Variants in PTPRD observed in about 807,000 individuals in gnomAD.
The protein encoded by PTPRD is receptor-type tyrosine-protein phosphatase delta.
PTPRD carries 34 observed loss-of-function variants against 214.5 expected under a neutral mutation model. The observed-to-expected ratio is 0.16, with a 90% CI of 0.12 to 0.21. PTPRD has a LOEUF of 0.21. Among genes scored for constraint, PTPRD ranks in the 10% least tolerant of loss-of-function variants. PTPRD has a pLI of 1.00. For missense variants in PTPRD, 2,545 were observed against 2,398.7 expected (o/e 1.06, Z -1.27); for synonymous variants, 1,128 against 845.7 (o/e 1.33, Z -5.79).
rs529229327 is a variant in PTPRD at position 9,263,174 on chromosome 9, A to G, written c.-202-79811T>C. Among the ~76,000 whole-genome samples, 4 of 151,810 alleles carry G rather than the reference A, an allele frequency of 2.6e-5. No homozygotes were observed. The East Asian group carries it at 7.8e-4, about 30-fold the overall frequency. ...TAATGAAATCTTGTTTTCTTAAATGATCCCAATAAATCATTCAAATTTATT... is the reference window on the plus strand; with the variant it reads ...TAATGAAATCTTGTTTTCTTAAATGGTCCCAATAAATCATTCAAATTTATT... On this transcript the variant is annotated intron_variant, in intron 9 of 45. Transcript: ENST00000381196.
At chr9:8,450,401 A>G (rs1407144799) in intron 33 of PTPRD, among the ~76,000 whole-genome samples, 1 of 152,156 alleles carries the variant, frequency 6.6e-6, no homozygotes, top group African/African-American at 2.4e-5. Flanking sequence ...AATCGGGACC[A>G]GGTAAAACAG....
chr9:10,141,712 A>G (rs1266629796), intron 3 of PTPRD, among the ~76,000 whole-genome samples: 1 of 152,048 alleles, frequency 6.6e-6, no homozygotes, highest in East Asian at 1.9e-4. Context: ...ATCCCCATCA[A>G]GCTAACAATG....
At chr9:9,362,924 T>C (rs945628825) in intron 9 of PTPRD, among the ~76,000 whole-genome samples, 8 of 151,192 alleles carry the variant, frequency 5.3e-5, no homozygotes, top group African/African-American at 1.7e-4. Context: ...TAAAGAGTGG[T>C]CAGTGGTGGA....
At chr9:8,852,320 T>TA (rs2097835242) in intron 11 of PTPRD, among the ~76,000 whole-genome samples, 1 of 152,242 alleles carries the variant, frequency 6.6e-6, no homozygotes, top group African/African-American at 2.4e-5. Flanking sequence ...CTGGCAGAGT[T>TA]ACGAGAGTTA....
chr9:8,823,711 G>T (rs149550202), intron 11 of PTPRD, among the ~76,000 whole-genome samples: 2 of 152,012 alleles, frequency 1.3e-5, no homozygotes, highest in Non-Finnish European at 2.9e-5. Flanking sequence ...AAGGAAAGGC[G>T]GAAGGAAGGA....
At chr9:8,544,692 A>T (rs1203922692) in intron 14 of PTPRD, among the ~76,000 whole-genome samples, 10 of 149,080 alleles carry the variant, frequency 6.7e-5, no homozygotes. Flanking sequence ...CTGATCTGGA[A>T]CTCCCGAACC....
At chr9:8,744,824 C>T (rs1427589924) in intron 11 of PTPRD, among the ~76,000 whole-genome samples, 4 of 152,180 alleles carry the variant, frequency 2.6e-5, no homozygotes, top group East Asian at 1.9e-4. Flanking sequence ...AAAGGCAGAA[C>T]ATTATAATCC....
At chr9:9,402,210 A>G (rs2070920322) in intron 8 of PTPRD, among the ~76,000 whole-genome samples, 1 of 152,144 alleles carries the variant, frequency 6.6e-6, no homozygotes, top group South Asian at 2.1e-4. Context: ...TGAAAAAAAT[A>G]TAGTACAGAA....
At chr9:8,595,172 G>GT (rs60646648) in intron 14 of PTPRD, among the ~76,000 whole-genome samples, 8,201 of 131,494 alleles carry the variant, frequency 0.062, 329 homozygotes, top group African/African-American at 0.12. Context: ...CCCTAAACCT[G>GT]TTTTTTTTTT....
chr9:9,424,007 C>A (rs1358984754), intron 8 of PTPRD, among the ~76,000 whole-genome samples: 1 of 152,118 alleles, frequency 6.6e-6, no homozygotes, highest in Non-Finnish European at 1.5e-5. Context: ...CAACTCAAGC[C>A]CCTTGGCCAA....
intron 2 of PTPRD, among the ~76,000 whole-genome samples, chr9:10,370,953 G>T (rs1453789876): frequency 2.0e-5 from 3 of 151,876 alleles, no homozygotes; most frequent in Non-Finnish European, 4.4e-5. Flanking sequence ...CTGTTTGATG[G>T]AATTGGCAGA....
chr9:10,534,823 C>G (rs2057361512), intron 2 of PTPRD, among the ~76,000 whole-genome samples: 1 of 152,074 alleles, frequency 6.6e-6, no homozygotes, highest in Non-Finnish European at 1.5e-5. Context: ...AAATATTTTC[C>G]ACAGTGATTC....
At chr9:10,464,324 G>A (rs1237431211) in intron 2 of PTPRD, among the ~76,000 whole-genome samples, 1 of 152,050 alleles carries the variant, frequency 6.6e-6, no homozygotes, top group African/African-American at 2.4e-5. Flanking sequence ...AATTTGCAGT[G>A]TGCCGAGGTC....
intron 39 of PTPRD, among the ~76,000 whole-genome samples, chr9:8,342,788 T>A (rs930168066): frequency 6.6e-6 from 1 of 152,116 alleles, no homozygotes; most frequent in Non-Finnish European, 1.5e-5. Flanking sequence ...TTAGATGCTA[T>A]CTCTAAAGAG....
intron 10 of PTPRD, among the ~76,000 whole-genome samples, chr9:9,083,475 T>C (rs1311854386): frequency 1.3e-5 from 2 of 152,124 alleles, no homozygotes; most frequent in Non-Finnish European, 2.9e-5. Flanking sequence ...GGCAATACCA[T>C]TCAGGACATA....
At chr9:10,434,400 T>A (rs1212491410) in intron 2 of PTPRD, among the ~76,000 whole-genome samples, 2 of 151,938 alleles carry the variant, frequency 1.3e-5, no homozygotes, top group Admixed American at 6.6e-5. Context: ...TATAGTCAAC[T>A]CTTAAGAAAA....
At chr9:10,568,403 T>C (rs1399994293) in intron 2 of PTPRD, among the ~76,000 whole-genome samples, 2 of 152,024 alleles carry the variant, frequency 1.3e-5, no homozygotes, top group African/African-American at 4.8e-5. Context: ...TCTTTGCTAT[T>C]GTGAATAGTG....
intron 2 of PTPRD, among the ~76,000 whole-genome samples, chr9:10,581,641 T>G (rs933657193): frequency 6.6e-6 from 1 of 152,192 alleles, no homozygotes; most frequent in African/African-American, 2.4e-5. Context: ...GTGTATTTTG[T>G]GTACAATTAC....
chr9:10,173,920 GT>G (rs753233413), intron 3 of PTPRD, among the ~76,000 whole-genome samples: 44 of 152,134 alleles, frequency 2.9e-4, no homozygotes, highest in Non-Finnish European at 5.7e-4. Context: ...CTATAATAAT[GT>G]TGGTCATACT....
Sources: allele counts gnomAD v4.1 joint callset (sites outside exome capture counted in the v4.1 genomes callset), GRCh38; gene constraint gnomAD v4.1.1; transcripts MANE v1.5; gene names NCBI Gene and HGNC (gene_info 2026-07-23, HGNC 2026-07-21).